Variants in SYDE2 observed in about 807,000 individuals in gnomAD.
SYDE2 encodes the protein rho GTPase-activating protein SYDE2.
In SYDE2, 76 loss-of-function variants were observed where a neutral mutation model predicts 91.5. That is an observed-to-expected ratio of 0.83 (90% CI 0.69 to 1.01). The LOEUF is 1.01. Among genes scored for constraint, SYDE2 ranks in the 50% least tolerant of loss-of-function variants. The pLI is 0.00. For missense variants in SYDE2, 1,364 were observed against 1,367.7 expected (o/e 1.00, Z 0.04); for synonymous variants, 513 against 506.4 (o/e 1.01, Z -0.18).
Position 85,190,207 on chromosome 1 carries a change from C to T in SYDE2, c.1291G>A (p.Asp431Asn), listed in dbSNP as rs1328638828. 6.2e-7 allele frequency: 1 copy of T among 1,613,988 alleles called. No individual in the cohort carries two copies. The highest frequency in any genetic ancestry group is 1.1e-5 in the South Asian group (1 of 91,082). Residue 431 changes from aspartate to asparagine, a missense_variant, in exon 2 of 7, where the codon GAT (aspartate) becomes AAT (asparagine). Transcript: ENST00000341460. ...CCATTTGACCGTGTGGTCTGAATATCACCTGCATGTTCGGAAGAGCACAGT... is the reference window on the plus strand; with the variant it reads ...CCATTTGACCGTGTGGTCTGAATATTACCTGCATGTTCGGAAGAGCACAGT... ...DSLCSSEHAG[D>N]IQTTRSNGMN... is the part of the protein sequence containing the mutation.
At chr1:85,165,694 G>A (rs1657242165) in intron 5 of SYDE2, among the ~76,000 whole-genome samples, 1 of 151,492 alleles carries the variant, frequency 6.6e-6, no homozygotes, top group Non-Finnish European at 1.5e-5. Context: ...AATCCTTAAA[G>A]AAACTAGTAA....
chr1:85,155,489 T>TA (rs1557736732), downstream of SYDE2, among the ~76,000 whole-genome samples: 28 of 151,310 alleles, frequency 1.9e-4, no homozygotes, highest in African/African-American at 6.3e-4. Flanking sequence ...AAGATTTTTT[T>TA]TAAAAAAAAA....
At chr1:85,167,982 C>CA (rs1418832338) in intron 5 of SYDE2, among the ~76,000 whole-genome samples, 4 of 152,030 alleles carry the variant, frequency 2.6e-5, no homozygotes, top group African/African-American at 9.7e-5. Flanking sequence ...GGCATGGTGG[C>CA]GCCCACCTGT....
chr1:85,189,297 ATTTC>A lies in SYDE2; in HGVS notation c.1441+756_1441+759del, dbSNP rs1360593452. ...TGCAAGGGACTTACTTCTACTTCTC[ATTTC>A]TTTCTCTCTTCTTTCTTTTGCTCAT... On this transcript the variant is annotated intron_variant, in intron 2 of 6. Coordinates refer to ENST00000341460, the MANE Select transcript of SYDE2 (RefSeq NM_032184.2). Among the ~76,000 whole-genome samples, 6 of 152,154 alleles carry A rather than the reference ATTTC, an allele frequency of 3.9e-5. No homozygotes were observed. The East Asian group carries it at 9.7e-4, about 25-fold the overall frequency.
chr1:85,187,247 C>A (rs202100479), intron 2 of SYDE2, among the ~76,000 whole-genome samples: 23,231 of 151,954 alleles, frequency 0.15, 2,117 homozygotes, highest in East Asian at 0.28. Flanking sequence ...TTTATGCAGC[C>A]AAAAAACACA....
chr1:85,154,150 CTT>C (rs1656826098), downstream of SYDE2: 1 of 151,832 alleles, frequency 6.6e-6, no homozygotes, highest in Non-Finnish European at 1.5e-5. Flanking sequence ...CAAATTAAGA[CTT>C]GTTATTATTA....
chr1:85,173,417 A>G (rs909424166), intron 4 of SYDE2, among the ~76,000 whole-genome samples: 13 of 152,114 alleles, frequency 8.5e-5, no homozygotes, highest in Non-Finnish European at 1.5e-4. Context: ...AGCCTCCAGA[A>G]CTGTGAGAAA....
chr1:85,174,730 ATC>A (rs1657629953), intron 4 of SYDE2, among the ~76,000 whole-genome samples: 1 of 152,076 alleles, frequency 6.6e-6, no homozygotes, highest in Admixed American at 6.6e-5. Context: ...CTCATAAACA[ATC>A]TCAGTATATG....
intron 6 of SYDE2, chr1:85,160,433 T>C: frequency 3.3e-6 from 3 of 899,524 alleles, no homozygotes; most frequent in Non-Finnish European, 4.0e-6. Context: ...ATTTTAAAGA[T>C]GGTTATTATG....
intron 2 of SYDE2, among the ~76,000 whole-genome samples, chr1:85,188,151 G>A (rs1017036148): frequency 6.6e-6 from 1 of 151,552 alleles, no homozygotes; most frequent in Non-Finnish European, 1.5e-5. Context: ...TATATCCGTC[G>A]CTATCTGTGA....
rs763529914 is a variant in SYDE2, at chr1:85,159,051, C to G, written c.3284G>C (p.Cys1095Ser). The G allele has an allele frequency of 1.3e-6, 1 of 780,868 alleles. No individual in the cohort carries two copies. Among genetic ancestry groups the G allele is most frequent in the East Asian group, 2.4e-5 (1 of 41,246 alleles). The allele number at this position is 780,868 out of a possible 1,614,324, so 48.4% of individuals were successfully genotyped here. The stretch of plus-strand genomic sequence containing the variant: ...TGTATTTAAAAAGTAGTTTTCCCCA[C>G]AGCTGCTCCAGTCTCCTGCATAACG... ...SNRYAGDWSS[C>S]GENYFLNTKE... Residue 1095 changes from cysteine to serine, a missense_variant, in exon 7 of 7, where the codon TGT becomes TCT. Coordinates refer to ENST00000341460, the MANE Select transcript of SYDE2 (RefSeq NM_032184.2).
chr1:85,197,361 A>G (rs1261613984), intron 1 of SYDE2, among the ~76,000 whole-genome samples: 1 of 152,232 alleles, frequency 6.6e-6, no homozygotes, highest in Non-Finnish European at 1.5e-5. Flanking sequence ...CAATACCTAT[A>G]TGAAGTATCT....
At chr1:85,178,075 G>A (rs1657772470) in intron 4 of SYDE2, 71 bp downstream of exon 4, 6 of 1,228,694 alleles carry the variant, frequency 4.9e-6, no homozygotes, top group South Asian at 2.9e-5. Flanking sequence ...AGCTACAAAC[G>A]TATTTCAGTT....
At chr1:85,195,829 C>T (rs1249474771) in intron 1 of SYDE2, among the ~76,000 whole-genome samples, 1 of 152,194 alleles carries the variant, frequency 6.6e-6, no homozygotes, top group African/African-American at 2.4e-5. Context: ...TCTCACAAAG[C>T]CTGCTTGCCT....
intron 4 of SYDE2, among the ~76,000 whole-genome samples, chr1:85,172,208 A>C (rs1015442800): frequency 6.6e-6 from 1 of 152,220 alleles, no homozygotes; most frequent in Non-Finnish European, 1.5e-5. Context: ...GCTGGGTCAC[A>C]AGAAGTAGAG....
intron 4 of SYDE2, among the ~76,000 whole-genome samples, chr1:85,173,176 C>G (rs1055399065): frequency 3.9e-5 from 6 of 152,032 alleles, no homozygotes; most frequent in African/African-American, 1.4e-4. Flanking sequence ...GGGCCCTACT[C>G]CAATATGACA....
chr1:85,193,254 T>C (rs1247178695), intron 1 of SYDE2, among the ~76,000 whole-genome samples: 1 of 152,224 alleles, frequency 6.6e-6, no homozygotes, highest in African/African-American at 2.4e-5. Flanking sequence ...TCTAAATCTA[T>C]TTCACATTTA....
chr1:85,173,465 C>G (rs1382464828), intron 4 of SYDE2, among the ~76,000 whole-genome samples: 1 of 152,032 alleles, frequency 6.6e-6, no homozygotes, highest in African/African-American at 2.4e-5. Flanking sequence ...GTTTGTGGTA[C>G]TTTGTTATGG....
chr1:85,179,897 G>C (rs1365000707), intron 3 of SYDE2, among the ~76,000 whole-genome samples: 4 of 151,782 alleles, frequency 2.6e-5, no homozygotes, highest in Admixed American at 2.0e-4. Flanking sequence ...TAAATTAATG[G>C]GATATTTTAC....
Sources: allele counts gnomAD v4.1 joint callset (sites outside exome capture counted in the v4.1 genomes callset), GRCh38; gene constraint gnomAD v4.1.1; transcripts MANE v1.5; gene names NCBI Gene and HGNC (gene_info 2026-07-23, HGNC 2026-07-21).